The following ENTREP2 variants were observed in gnomAD, a reference collection of about 807,000 sequenced individuals.
ENTREP2 encodes the protein endosomal transmembrane epsin interactor 2.
chr15:29,499,994 TA>T, the ENTREP2 span, among the ~76,000 whole-genome samples: 1 of 152,036 alleles, frequency 6.6e-6, no homozygotes, highest in African/African-American at 2.4e-5. Context: ...AAATTGCTAC[TA>T]AAAACAAAGC....
the ENTREP2 span, among the ~76,000 whole-genome samples, chr15:29,204,763 T>C: frequency 6.6e-6 from 1 of 152,308 alleles, no homozygotes; most frequent in East Asian, 1.9e-4. Context: ...TAAGTTTTCT[T>C]CCCAAAGGTT....
the ENTREP2 span, among the ~76,000 whole-genome samples, chr15:29,299,391 C>G: frequency 0.16 from 24,590 of 152,054 alleles, 3,311 homozygotes; most frequent in African/African-American, 0.38. Context: ...TGAACTGCTG[C>G]CTCTTCAGCG....
At chr15:29,271,511 G>C in the ENTREP2 span, among the ~76,000 whole-genome samples, 1 of 152,256 alleles carries the variant, frequency 6.6e-6, no homozygotes, top group Non-Finnish European at 1.5e-5. Context: ...GCCTGGGCCT[G>C]CCTGGCCTAA....
chr15:29,350,858 G>A, the ENTREP2 span, among the ~76,000 whole-genome samples: 22,291 of 152,162 alleles, frequency 0.15, 3,139 homozygotes, highest in African/African-American at 0.37. Context: ...CAGGGCAATC[G>A]CTTGACCCAG....
At chr15:29,144,341 T>C in the ENTREP2 span, among the ~76,000 whole-genome samples, 38 of 152,124 alleles carry the variant, frequency 2.5e-4, no homozygotes, top group Non-Finnish European at 5.3e-4. Context: ...TTGAGAAGAA[T>C]AGAAAATGTG....
At chr15:29,396,963 T>C in the ENTREP2 span, among the ~76,000 whole-genome samples, 1 of 152,160 alleles carries the variant, frequency 6.6e-6, no homozygotes, top group South Asian at 2.1e-4. Context: ...AATAAGCAGA[T>C]AGAGAAATTA....
At chr15:29,390,006 C>A in the ENTREP2 span, among the ~76,000 whole-genome samples, 1 of 151,922 alleles carries the variant, frequency 6.6e-6, no homozygotes, top group Non-Finnish European at 1.5e-5. Flanking sequence ...GGAGGCTTAA[C>A]CCTAATGACG....
chr15:29,536,572 C>G, the ENTREP2 span, among the ~76,000 whole-genome samples: 5 of 150,346 alleles, frequency 3.3e-5, no homozygotes, highest in African/African-American at 1.2e-4. Context: ...CCACTGCACT[C>G]CAGCCTGAGC....
At chr15:29,596,940 G>A in the ENTREP2 span, among the ~76,000 whole-genome samples, 2 of 152,092 alleles carry the variant, frequency 1.3e-5, no homozygotes, top group East Asian at 3.9e-4. Context: ...AAAGTGCTGG[G>A]ATTACAGATG....
chr15:29,561,797 C>T, the ENTREP2 span, among the ~76,000 whole-genome samples: 1 of 152,004 alleles, frequency 6.6e-6, no homozygotes, highest in Non-Finnish European at 1.5e-5. Context: ...GTTTGGGTGG[C>T]AATCATCAAC....
the ENTREP2 span, among the ~76,000 whole-genome samples, chr15:29,663,096 G>T: frequency 6.6e-5 from 10 of 152,200 alleles, no homozygotes; most frequent in African/African-American, 2.4e-4. Context: ...TACTTGATCT[G>T]CTGTAATTGC....
the ENTREP2 span, among the ~76,000 whole-genome samples, chr15:29,572,868 G>A: frequency 1.3e-5 from 2 of 150,362 alleles, no homozygotes; most frequent in East Asian, 4.1e-4. Flanking sequence ...AGATGATAAG[G>A]AGATTTGAAA....
the ENTREP2 span, among the ~76,000 whole-genome samples, chr15:29,149,644 C>T: frequency 2.6e-5 from 4 of 152,142 alleles, no homozygotes; most frequent in African/African-American, 4.8e-5. Context: ...TCTTTAGAGC[C>T]GAGGAAACGG....
At chr15:29,472,928 T>C in the ENTREP2 span, among the ~76,000 whole-genome samples, 1 of 152,186 alleles carries the variant, frequency 6.6e-6, no homozygotes, top group African/African-American at 2.4e-5. Context: ...ATTGTAACTA[T>C]CTGCTGAAGG....
At chr15:29,154,318 T>C in the ENTREP2 span, among the ~76,000 whole-genome samples, 15 of 152,206 alleles carry the variant, frequency 9.9e-5, no homozygotes, top group African/African-American at 1.4e-4. Flanking sequence ...GCATTATAAA[T>C]AAAAATATAA....
At chr15:29,155,739 G>C in the ENTREP2 span, among the ~76,000 whole-genome samples, 1 of 152,162 alleles carries the variant, frequency 6.6e-6, no homozygotes, top group Non-Finnish European at 1.5e-5. Context: ...GGCAATCGTA[G>C]GGCTCACCTC....
At chr15:29,526,964 C>A in the ENTREP2 span, among the ~76,000 whole-genome samples, 17 of 152,268 alleles carry the variant, frequency 1.1e-4, no homozygotes, top group Admixed American at 9.2e-4. Flanking sequence ...CCGGGGGGCA[C>A]GTGTTTGTCC....
At chr15:29,656,754 G>A in the ENTREP2 span, among the ~76,000 whole-genome samples, 1 of 152,154 alleles carries the variant, frequency 6.6e-6, no homozygotes, top group African/African-American at 2.4e-5. Context: ...TTGCTTGAAA[G>A]AAAGCAAAAT....
the ENTREP2 span, among the ~76,000 whole-genome samples, chr15:29,438,507 G>C: frequency 6.6e-6 from 1 of 152,182 alleles, no homozygotes; most frequent in East Asian, 1.9e-4. Flanking sequence ...TGCTGAAATA[G>C]AGTGTAGCTG....
Sources: gnomAD v4.1 joint callset for allele counts (sites outside exome capture counted in the v4.1 genomes callset) on GRCh38, gnomAD v4.1.1 for gene constraint, MANE v1.5 for transcripts, NCBI Gene and HGNC (gene_info 2026-07-23, HGNC 2026-07-21) for gene names.